Variants in NRXN1 observed in about 807,000 individuals in gnomAD.
NRXN1 encodes the protein neurexin-1.
NRXN1 carries 39 observed loss-of-function variants against 150.9 expected under a neutral mutation model. The observed-to-expected ratio is 0.26, with a 90% CI of 0.20 to 0.34. NRXN1 has a LOEUF of 0.34. Ranked by LOEUF, NRXN1 falls within the 10% of genes least tolerant of loss-of-function variation. The pLI, the probability that NRXN1 is intolerant of heterozygous loss-of-function variation, is 1.00. For synonymous variants in NRXN1, 924 were observed against 757.0 expected (o/e 1.22, Z -3.62); for missense variants, 1,815 against 1,949.9 (o/e 0.93, Z 1.30).
At chr2:50,676,710 T>C (rs185225618) in intron 5 of NRXN1, among the ~76,000 whole-genome samples, 1 of 152,264 alleles carries the variant, frequency 6.6e-6, no homozygotes, top group Admixed American at 6.5e-5. Context: ...CATCAGAATA[T>C]ATATAAGCAC....
intron 5 of NRXN1, among the ~76,000 whole-genome samples, chr2:50,782,017 G>T (rs1451815825): frequency 2.0e-5 from 3 of 152,114 alleles, no homozygotes; most frequent in Non-Finnish European, 4.4e-5. Flanking sequence ...AAGTCATTCA[G>T]TTGATATATT....
At chr2:50,388,546 A>C (rs532170788) in intron 17 of NRXN1, among the ~76,000 whole-genome samples, 1 of 152,234 alleles carries the variant, frequency 6.6e-6, no homozygotes, top group African/African-American at 2.4e-5. Context: ...TGACAGTCAA[A>C]ACATCTTCCG....
intron 18 of NRXN1, among the ~76,000 whole-genome samples, chr2:50,206,396 T>G (rs565285226): frequency 6.6e-6 from 1 of 152,198 alleles, no homozygotes; most frequent in East Asian, 1.9e-4. Context: ...CATGCAAATG[T>G]ATGTCAGAAG....
chr2:49,975,128 T>G (rs1678727788), intron 21 of NRXN1, among the ~76,000 whole-genome samples: 1 of 150,624 alleles, frequency 6.6e-6, no homozygotes, highest in Non-Finnish European at 1.5e-5. Context: ...ATATTATATA[T>G]ATGATTATAT....
intron 18 of NRXN1, among the ~76,000 whole-genome samples, chr2:50,134,273 G>GAAAAAAA (rs59985780): frequency 4.1e-5 from 4 of 96,448 alleles, no homozygotes; most frequent in African/African-American, 7.0e-5. Context: ...AAAGTAACCA[G>GAAAAAAA]AAAAAAAAAA....
intron 2 of NRXN1, among the ~76,000 whole-genome samples, chr2:50,996,048 T>A (rs145060042): frequency 3.4e-4 from 52 of 152,192 alleles, no homozygotes; most frequent in African/African-American, 1.2e-3. Flanking sequence ...ACGTGGAATA[T>A]CTATGACTTT....
chr2:49,995,576 T>C (rs1386060856), intron 21 of NRXN1, among the ~76,000 whole-genome samples: 1 of 151,206 alleles, frequency 6.6e-6, no homozygotes, highest in Non-Finnish European at 1.5e-5. Flanking sequence ...GGTCAGGAGA[T>C]CGACACCATC....
intron 5 of NRXN1, among the ~76,000 whole-genome samples, chr2:50,767,429 A>G: frequency 6.6e-6 from 1 of 152,008 alleles, no homozygotes; most frequent in East Asian, 1.9e-4. Flanking sequence ...GTGTGATATT[A>G]TATATATCTT....
At chr2:50,818,776 G>T (rs543956552) in intron 5 of NRXN1, among the ~76,000 whole-genome samples, 1 of 152,114 alleles carries the variant, frequency 6.6e-6, no homozygotes, top group African/African-American at 2.4e-5. Context: ...TATCTTATAA[G>T]AAATCAATAA....
At chr2:50,992,261 T>C (rs1698645031) in intron 2 of NRXN1, among the ~76,000 whole-genome samples, 1 of 152,034 alleles carries the variant, frequency 6.6e-6, no homozygotes, top group Non-Finnish European at 1.5e-5. Context: ...AAAGTAGATA[T>C]GAGCATTACC....
chr2:50,064,355 T>C (rs1012702074), intron 19 of NRXN1, among the ~76,000 whole-genome samples: 1 of 151,980 alleles, frequency 6.6e-6, no homozygotes, highest in African/African-American at 2.4e-5. Context: ...TAATTACAAG[T>C]CAATGATTTA....
intron 18 of NRXN1, among the ~76,000 whole-genome samples, chr2:50,141,349 G>A (rs1707248187): frequency 6.6e-6 from 1 of 151,896 alleles, no homozygotes; most frequent in Admixed American, 6.6e-5. Flanking sequence ...CTGAAAATAT[G>A]AAACTACTAG....
intron 17 of NRXN1, among the ~76,000 whole-genome samples, chr2:50,318,441 A>G (rs2075778577): frequency 6.6e-6 from 1 of 152,096 alleles, no homozygotes; most frequent in Non-Finnish European, 1.5e-5. Context: ...TCCTGAGTCT[A>G]TGCCCTAGAG....
intron 18 of NRXN1, among the ~76,000 whole-genome samples, chr2:50,189,159 C>T (rs989672121): frequency 9.2e-5 from 14 of 152,110 alleles, no homozygotes; most frequent in Admixed American, 8.5e-4. Context: ...AAATGTGGCA[C>T]ATATACACAA....
At chr2:50,801,946 T>A (rs1426983761) in intron 5 of NRXN1, among the ~76,000 whole-genome samples, 1 of 152,168 alleles carries the variant, frequency 6.6e-6, no homozygotes, top group African/African-American at 2.4e-5. Flanking sequence ...GACCAAAGGT[T>A]TTTAAGCCAT....
intron 17 of NRXN1, among the ~76,000 whole-genome samples, chr2:50,246,125 C>T (rs182131478): frequency 2.6e-4 from 40 of 152,038 alleles, no homozygotes; most frequent in Admixed American, 1.5e-3. Context: ...AGAGTCTATC[C>T]TGAATCTTTA....
chr2:50,113,463 A>AT (rs1445232440), intron 18 of NRXN1, among the ~76,000 whole-genome samples: 2 of 152,160 alleles, frequency 1.3e-5, no homozygotes, highest in African/African-American at 2.4e-5. Flanking sequence ...TTGCTACAGT[A>AT]TTTTTTGTCC....
chr2:50,117,241 G>A (rs1224062774), intron 18 of NRXN1, among the ~76,000 whole-genome samples: 3 of 152,112 alleles, frequency 2.0e-5, no homozygotes, highest in South Asian at 4.1e-4. Context: ...TAATAAACAT[G>A]TATTAGATTT....
intron 9 of NRXN1, among the ~76,000 whole-genome samples, chr2:50,545,134 T>A (rs1336467073): frequency 2.0e-5 from 3 of 152,136 alleles, no homozygotes; most frequent in Admixed American, 2.0e-4. Flanking sequence ...TGAGGGAATG[T>A]ATGGTAAGGG....
Sources: allele counts gnomAD v4.1 joint callset (sites outside exome capture counted in the v4.1 genomes callset), GRCh38; gene constraint gnomAD v4.1.1; transcripts MANE v1.5; gene names NCBI Gene and HGNC (gene_info 2026-07-23, HGNC 2026-07-21).